Variants in CLEC16A observed in about 807,000 individuals in gnomAD.
CLEC16A encodes the protein C-type lectin domain containing 16A.
A neutral mutation model predicts 109.5 loss-of-function variants in CLEC16A; 51 were observed. The observed-to-expected ratio is 0.47, with a 90% confidence interval of 0.37 to 0.59. CLEC16A has a LOEUF of 0.59. Ranked by LOEUF, CLEC16A falls within the 20% of genes least tolerant of loss-of-function variation. CLEC16A has a pLI of 0.00. For synonymous variants in CLEC16A, 673 were observed against 564.2 expected (o/e 1.19, Z -2.73); for missense variants, 1,339 against 1,394.0 (o/e 0.96, Z 0.63).
At chr16:11,171,142 C>T (rs140714227) in intron 23 of CLEC16A, among the ~76,000 whole-genome samples, 205 of 152,346 alleles carry the variant, frequency 1.3e-3, no homozygotes, top group African/African-American at 4.7e-3. Context: ...GAACATTCCC[C>T]ATGCCCATCA....
chr16:11,039,458 A>G (rs928303494), intron 13 of CLEC16A, among the ~76,000 whole-genome samples: 2 of 152,184 alleles, frequency 1.3e-5, no homozygotes, highest in Non-Finnish European at 2.9e-5. Context: ...ACCAACAGCA[A>G]CCAGTCATGA....
chr16:11,100,787 G>A (rs1043303870), intron 19 of CLEC16A, among the ~76,000 whole-genome samples: 1 of 152,214 alleles, frequency 6.6e-6, no homozygotes, highest in African/African-American at 2.4e-5. Context: ...AAATTAGCAT[G>A]GGTATATGTT....
intron 22 of CLEC16A, chr16:11,157,256 T>C (rs1195867602): frequency 1.7e-6 from 2 of 1,186,876 alleles, no homozygotes; most frequent in African/African-American, 3.2e-5. Context: ...TGATCAGTGA[T>C]GTGGGGGTCG....
intron 19 of CLEC16A, among the ~76,000 whole-genome samples, chr16:11,061,944 G>T (rs75181842): frequency 2.6e-5 from 4 of 152,280 alleles, no homozygotes; most frequent in Non-Finnish European, 5.9e-5. Flanking sequence ...GCCTTCAGCA[G>T]CCCCAAGATT....
intron 18 of CLEC16A, among the ~76,000 whole-genome samples, chr16:11,058,187 C>G (rs2048305708): frequency 6.6e-6 from 1 of 152,210 alleles, no homozygotes; most frequent in Non-Finnish European, 1.5e-5. Flanking sequence ...GATTCATGGA[C>G]ATGGCTTCTC....
chr16:11,042,382 C>T lies in CLEC16A; in HGVS notation c.1770+19C>T, dbSNP rs989251022. The T allele has an allele frequency of 2.6e-6, 4 of 1,539,298 alleles. No individual in the cohort carries two copies. Among genetic ancestry groups the T allele is most frequent in the Non-Finnish European group, 3.5e-6 (4 of 1,133,948 alleles). ...CCTGGAGGTAACGCCCTCTCCGCTCCTCCTTCCTGTGGGCCAAGGGAGAGG... is the reference window on the plus strand; with the variant it reads ...CCTGGAGGTAACGCCCTCTCCGCTCTTCCTTCCTGTGGGCCAAGGGAGAGG... On this transcript the variant is annotated intron_variant, in intron 15 of 23. Transcript: ENST00000409790.
At chr16:11,119,777 A>G (rs2153022669) in intron 19 of CLEC16A, among the ~76,000 whole-genome samples, 1 of 152,128 alleles carries the variant, frequency 6.6e-6, no homozygotes, top group Non-Finnish European at 1.5e-5. Flanking sequence ...TTTTTCTAAT[A>G]CTGTGAAAAA....
At chr16:11,135,867 C>G (rs948801385) in intron 22 of CLEC16A, among the ~76,000 whole-genome samples, 20 of 152,382 alleles carry the variant, frequency 1.3e-4, no homozygotes, top group Non-Finnish European at 2.6e-4. Flanking sequence ...CGGGCCTGGC[C>G]CCACACGTAG....
At chr16:10,980,606 TTC>T (rs1349915058) in intron 9 of CLEC16A, among the ~76,000 whole-genome samples, 1 of 152,032 alleles carries the variant, frequency 6.6e-6, no homozygotes, top group East Asian at 1.9e-4. Context: ...GTTAGGACTT[TTC>T]TCTGAGACTC....
intron 23 of CLEC16A, among the ~76,000 whole-genome samples, chr16:11,170,177 A>G (rs1055523009): frequency 7.9e-5 from 12 of 152,188 alleles, no homozygotes; most frequent in Non-Finnish European, 1.3e-4. Flanking sequence ...CAGCCCATGA[A>G]GTATGTTTCT....
intron 22 of CLEC16A, among the ~76,000 whole-genome samples, chr16:11,162,486 A>G (rs1259548337): frequency 6.6e-6 from 1 of 152,136 alleles, no homozygotes; most frequent in Non-Finnish European, 1.5e-5. Flanking sequence ...GAAAATTCAG[A>G]CAAGCACAAA....
chr16:11,166,246 C>G, intron 22 of CLEC16A, 142 bp from the exon 23 acceptor site: 1 of 864,536 alleles, frequency 1.2e-6, no homozygotes, highest in Non-Finnish European at 1.7e-6. Flanking sequence ...GTCAGGGCCA[C>G]GACCAGTGAG....
At chr16:11,032,504 TCAAA>T (rs1425290033) in intron 13 of CLEC16A, among the ~76,000 whole-genome samples, 1 of 152,242 alleles carries the variant, frequency 6.6e-6, no homozygotes, top group Non-Finnish European at 1.5e-5. Flanking sequence ...TCATAGGCAC[TCAAA>T]CAAGCCCAGA....
chr16:11,065,550 C>G (rs2048714400), intron 19 of CLEC16A, among the ~76,000 whole-genome samples: 2 of 152,198 alleles, frequency 1.3e-5, no homozygotes, highest in Non-Finnish European at 2.9e-5. Context: ...CACTTCTGTT[C>G]TTGAGGTGTT....
rs878941328 is a variant in CLEC16A, at chr16:11,024,606, G to A, written c.1437-215G>A. 3.9e-5 allele frequency: 19 copies of A among 488,934 alleles called. No homozygotes were observed. The East Asian group carries it at 6.3e-4, about 16-fold the overall frequency. The allele number at this position is 488,934 out of a possible 1,614,324, so 30.3% of individuals were successfully genotyped here. A position where few individuals can be genotyped will look rare whatever the true frequency, so the allele number is the denominator to read the frequency against. On this transcript the variant is annotated intron_variant, in intron 12 of 23. Coordinates refer to ENST00000409790, the MANE Select transcript of CLEC16A (RefSeq NM_015226.3). The stretch of plus-strand genomic sequence containing the variant: ...TGTTGTGTGACTAAGCAAGCAGTCT[G>A]TTCCTTGGTCAGGTTCCCCTCTGGA...
At chr16:11,070,209 T>C (rs1289382489) in intron 19 of CLEC16A, among the ~76,000 whole-genome samples, 1 of 152,098 alleles carries the variant, frequency 6.6e-6, no homozygotes, top group Non-Finnish European at 1.5e-5. Context: ...TAGCTGGGAC[T>C]ACAGGCGCGT....
chr16:11,154,127 A>T (rs191627484), intron 22 of CLEC16A, among the ~76,000 whole-genome samples: 29 of 152,364 alleles, frequency 1.9e-4, no homozygotes, highest in African/African-American at 7.0e-4. Flanking sequence ...AGAGAAATGG[A>T]GAATTGGGGA....
intron 18 of CLEC16A, chr16:11,056,850 G>A (rs1454015214): frequency 6.6e-6 from 1 of 152,138 alleles, no homozygotes; most frequent in Non-Finnish European, 1.5e-5. Context: ...GTGTACTGTG[G>A]TCTTGCTTTC....
Position 11,024,875 on chromosome 16 carries a change from T to C in CLEC16A, c.1491T>C (p.His497=), listed in dbSNP as rs773128070. 6 of 1,610,234 alleles carry C rather than the reference T, an allele frequency of 3.7e-6. No homozygotes were observed. Among genetic ancestry groups the C allele is most frequent in the East Asian group, 2.2e-5 (1 of 44,828 alleles). Residue 497 remains histidine, a synonymous_variant, in exon 13 of 24, where the codon CAT becomes CAC. Transcript: ENST00000409790. ...HALDSPDDDY[H]ALFVLCLLYA... is the part of the protein sequence containing the mutation. ...TGGACAGCCCGGATGATGATTACCA[T>C]GCCCTGTTCGTGCTCTGCCTCCTCT...
Sources: gnomAD v4.1 joint callset for allele counts (sites outside exome capture counted in the v4.1 genomes callset) on GRCh38, gnomAD v4.1.1 for gene constraint, MANE v1.5 for transcripts, NCBI Gene and HGNC (gene_info 2026-07-23, HGNC 2026-07-21) for gene names.